The following EPB41L4B variants were observed in gnomAD, a reference collection of about 807,000 sequenced individuals.
The protein encoded by EPB41L4B is erythrocyte membrane protein band 4.1 like 4B, also known as band 4.1-like protein 4B.
In EPB41L4B, 30 loss-of-function variants were observed where a neutral mutation model predicts 112.5. That is an observed-to-expected ratio of 0.27 (90% CI 0.20 to 0.36). The LOEUF (loss-of-function observed/expected upper bound fraction) is 0.36. Among genes scored for constraint, EPB41L4B ranks in the 10% least tolerant of loss-of-function variants. The pLI is 1.00. For missense variants in EPB41L4B, 1,024 were observed against 1,133.3 expected (o/e 0.90, Z 1.38); for synonymous variants, 408 against 439.7 (o/e 0.93, Z 0.90).
intron 1 of EPB41L4B, among the ~76,000 whole-genome samples, chr9:109,280,237 A>G (rs915781150): frequency 2.0e-5 from 3 of 152,250 alleles, no homozygotes; most frequent in Admixed American, 1.3e-4. Context: ...ACACTTGAAG[A>G]AGGGTGTAAC....
intron 24 of EPB41L4B, 124 bp from the exon 25 acceptor site, chr9:109,176,820 T>C (rs1202947549): frequency 2.2e-5 from 24 of 1,084,692 alleles, no homozygotes; most frequent in African/African-American, 3.2e-5. Flanking sequence ...AAATCGATTG[T>C]CATTTTAAGT....
intron 1 of EPB41L4B, among the ~76,000 whole-genome samples, chr9:109,306,831 T>C (rs987823953): frequency 6.6e-6 from 1 of 152,144 alleles, no homozygotes; most frequent in African/African-American, 2.4e-5. Flanking sequence ...AGCAATGCTT[T>C]GAAGGCTGGA....
chr9:109,217,751 T>C (rs192292368), intron 15 of EPB41L4B, among the ~76,000 whole-genome samples: 4 of 152,260 alleles, frequency 2.6e-5, no homozygotes, highest in African/African-American at 9.6e-5. Flanking sequence ...TTTAAAATTT[T>C]TTGTAGAGAC....
chr9:109,175,468 AACACACACACACACAC>A lies in EPB41L4B; in HGVS notation c.2634-861_2634-846del, dbSNP rs59210551. 1.5e-4 allele frequency among the ~76,000 whole-genome samples: 20 copies of A among 129,404 alleles called. No individual in the cohort carries two copies. In the East Asian group the frequency reaches 3.0e-3, roughly 19 times the overall value. The allele number at this position is 129,404 out of a possible 152,430, so 84.9% of individuals were successfully genotyped here. On this transcript the variant is annotated intron_variant, in intron 25 of 25. Coordinates refer to ENST00000374566, the MANE Select transcript of EPB41L4B (RefSeq NM_019114.5). ...CTATGTAACCTGTCTCCACTGTTTA[AACACACACACACACAC>A]ACACACACACACACACACACACACA... is the stretch of plus-strand genomic sequence containing the variant.
Position 109,309,753 on chromosome 9 carries a change from CACAGAG to C in EPB41L4B, c.306+10382_306+10387del, listed in dbSNP as rs777252049. 2.0e-4 allele frequency among the ~76,000 whole-genome samples: 27 copies of C among 137,530 alleles called. No homozygotes were observed. In the East Asian group the frequency reaches 5.2e-3, roughly 26 times the overall value. The allele number at this position is 137,530 out of a possible 152,430, so 90.2% of individuals were successfully genotyped here. On this transcript the variant is annotated intron_variant, in intron 1 of 25. Transcript: ENST00000374566. ...CATCTCTATTATTAAGAAATACACA[CACAGAG>C]AGAGAGAGAGAGAGAGAGAGAGAGA...
At chr9:109,281,445 G>A (rs1200000298) in intron 1 of EPB41L4B, among the ~76,000 whole-genome samples, 1 of 152,210 alleles carries the variant, frequency 6.6e-6, no homozygotes, top group African/African-American at 2.4e-5. Flanking sequence ...GCTCATGCCT[G>A]TAATCCCCAC....
intron 2 of EPB41L4B, among the ~76,000 whole-genome samples, chr9:109,277,475 G>C (rs546101871): frequency 5.9e-5 from 9 of 152,302 alleles, no homozygotes; most frequent in Non-Finnish European, 1.2e-4. Context: ...CTCAGATCCA[G>C]ACATGGACCT....
At chr9:109,271,692 T>C (rs1314998847) in intron 2 of EPB41L4B, among the ~76,000 whole-genome samples, 2 of 152,196 alleles carry the variant, frequency 1.3e-5, no homozygotes, top group African/African-American at 2.4e-5. Context: ...TGGCTAAATA[T>C]AGCCATGCCG....
At chr9:109,230,830 G>A (rs1833928950) in intron 15 of EPB41L4B, among the ~76,000 whole-genome samples, 1 of 152,148 alleles carries the variant, frequency 6.6e-6, no homozygotes, top group South Asian at 2.1e-4. Flanking sequence ...AGACTAGTGA[G>A]AAGGTTGACT....
chr9:109,291,984 A>G (rs1433838893), intron 1 of EPB41L4B, among the ~76,000 whole-genome samples: 1 of 152,116 alleles, frequency 6.6e-6, no homozygotes, highest in Non-Finnish European at 1.5e-5. Context: ...CTGTATTTAG[A>G]TCTCTGCAGA....
In EPB41L4B at chr9:109,254,999, G is replaced by A. The variant is rs139409957; in HGVS notation, c.1169+512C>T. The stretch of plus-strand genomic sequence containing the variant: ...TTACTGGCTGTGTGTGATTTTAAGC[G>A]TAATGCCTCTGGCCCTGGTTTCCTT... On this transcript the variant is annotated intron_variant, in intron 11 of 25. Transcript: ENST00000374566. Among the ~76,000 whole-genome samples, 660 of 152,294 alleles carry A rather than the reference G, an allele frequency of 4.3e-3. 3 individuals are homozygous for A. The highest frequency in any genetic ancestry group is 6.9e-3 in the Non-Finnish European group (467 of 68,026).
At chr9:109,271,049 T>C (rs894294036) in intron 2 of EPB41L4B, among the ~76,000 whole-genome samples, 8 of 152,246 alleles carry the variant, frequency 5.3e-5, no homozygotes, top group African/African-American at 1.9e-4. Context: ...TCGAAATTGC[T>C]GTTTGGGCTC....
At chr9:109,251,613 C>G in intron 12 of EPB41L4B, 102 bp from the exon 13 acceptor site, 2 of 1,083,924 alleles carry the variant, frequency 1.8e-6, no homozygotes, top group Non-Finnish European at 2.9e-6. Flanking sequence ...CATCACAGAG[C>G]CTTTCCAACT....
rs1200938205 is a variant in EPB41L4B at position 109,222,650 on chromosome 9, G to A, written c.1410-5505C>T. Among the ~76,000 whole-genome samples, 4 of 152,176 alleles carry A rather than the reference G, an allele frequency of 2.6e-5. No homozygotes were observed. In the East Asian group the frequency reaches 7.7e-4, roughly 29 times the overall value. ...AGACTCCTGGCATTCTGGAAAGGAG[G>A]TCCCACATCCTGGTTTTCAGGGTGG... On this transcript the variant is annotated intron_variant, in intron 15 of 25. Coordinates refer to ENST00000374566, the MANE Select transcript of EPB41L4B (RefSeq NM_019114.5).
At chr9:109,183,032 C>T (rs557404423) in intron 23 of EPB41L4B, among the ~76,000 whole-genome samples, 1 of 152,174 alleles carries the variant, frequency 6.6e-6, no homozygotes, top group Non-Finnish European at 1.5e-5. Flanking sequence ...AGCCTGGAGT[C>T]TCGTGTTCCT....
intron 1 of EPB41L4B, among the ~76,000 whole-genome samples, chr9:109,304,499 T>C (rs980143686): frequency 1.3e-5 from 2 of 152,224 alleles, no homozygotes; most frequent in African/African-American, 2.4e-5. Flanking sequence ...TCTTATACCA[T>C]AGATGAATTC....
chr9:109,215,628 T>C (rs559307290), intron 16 of EPB41L4B, among the ~76,000 whole-genome samples: 13 of 152,278 alleles, frequency 8.5e-5, no homozygotes, highest in Middle Eastern at 6.8e-3. Flanking sequence ...GCTGAGATTA[T>C]AGGCACGTAC....
At chr9:109,314,883 A>T (rs1837575404) in intron 1 of EPB41L4B, among the ~76,000 whole-genome samples, 1 of 152,146 alleles carries the variant, frequency 6.6e-6, no homozygotes, top group Admixed American at 6.5e-5. Flanking sequence ...AGAAATGAGA[A>T]GCTGTCTTCA....
At chr9:109,287,436 G>A (rs1836331988) in intron 1 of EPB41L4B, among the ~76,000 whole-genome samples, 1 of 152,158 alleles carries the variant, frequency 6.6e-6, no homozygotes, top group Admixed American at 6.5e-5. Flanking sequence ...AGTCTCAATA[G>A]CATAAGATGC....
Sources: allele counts gnomAD v4.1 joint callset (sites outside exome capture counted in the v4.1 genomes callset), GRCh38; gene constraint gnomAD v4.1.1; transcripts MANE v1.5; gene names NCBI Gene and HGNC (gene_info 2026-07-23, HGNC 2026-07-21).